TBC1D14: variants seen among roughly 807,000 people sequenced by gnomAD.
The protein encoded by TBC1D14 is TBC1 domain family, member 14.
In TBC1D14, 26 loss-of-function variants were observed where a neutral mutation model predicts 79.0. The ratio of observed to expected loss-of-function variants is 0.33; its 90% CI spans 0.24 to 0.46. TBC1D14 has a LOEUF of 0.46. Among genes scored for constraint, TBC1D14 ranks in the 20% least tolerant of loss-of-function variants. TBC1D14 has a pLI of 1.00. For missense variants in TBC1D14, 769 were observed against 887.6 expected (o/e 0.87, Z 1.70); for synonymous variants, 394 against 349.9 (o/e 1.13, Z -1.40).
rs779708480 is a variant in TBC1D14, at chr4:7,030,440, C to T, written c.*48C>T. The T allele has an allele frequency of 6.9e-6, 11 of 1,598,132 alleles. No individual in the cohort carries two copies. The highest frequency in any genetic ancestry group is 3.3e-5 in the South Asian group (3 of 90,718). Reference sequence around the variant, plus strand: ...CGGCACCAATCAGAGCCCCATGCCGCGGCCCCTCTGTTGTTTCAGACTGAC... The same window carrying T: ...CGGCACCAATCAGAGCCCCATGCCGTGGCCCCTCTGTTGTTTCAGACTGAC... On this transcript the variant is annotated 3_prime_UTR_variant, in exon 14 of 14. Transcript: ENST00000409757.
rs538972596 is a variant in TBC1D14, at chr4:6,958,376, T to TATAACACACACACACAC, written c.723-8927_723-8926insTAACACACACACACACA. ...GGGTGATACACGTGATCCCCACATA[T>TATAACACACACACACAC]ACACACACACACACACACACACACA... is the stretch of plus-strand genomic sequence containing the variant. On this transcript the variant is annotated intron_variant, in intron 2 of 13. Transcript: ENST00000409757. 6.0e-5 allele frequency among the ~76,000 whole-genome samples: 9 copies of TATAACACACACACACAC among 149,222 alleles called. No individual in the cohort carries two copies. In the South Asian group the frequency reaches 1.7e-3, roughly 28 times the overall value.
intron 1 of TBC1D14, among the ~76,000 whole-genome samples, chr4:6,911,025 C>T (rs1438353971): frequency 6.6e-6 from 1 of 152,122 alleles, no homozygotes; most frequent in African/African-American, 2.4e-5. Context: ...GCTTTTATAG[C>T]GGTGGGTTGC....
rs1258055771 is a variant in TBC1D14 at position 7,032,152 on chromosome 4, C to G, written c.*1760C>G. On this transcript the variant is annotated 3_prime_UTR_variant, in exon 14 of 14. Coordinates refer to ENST00000409757, the MANE Select transcript of TBC1D14 (RefSeq NM_020773.3). Reference sequence around the variant, plus strand: ...CCTCCTCTCGGAGGAGGCGTCCTGTCTTCACGGGGGGGTCCCGGTGGCCTC... The same window carrying G: ...CCTCCTCTCGGAGGAGGCGTCCTGTGTTCACGGGGGGGTCCCGGTGGCCTC... The G allele has an allele frequency of 6.6e-6, 1 of 152,624 alleles. No individual in the cohort carries two copies. Among genetic ancestry groups the G allele is most frequent in the South Asian group, 2.1e-4 (1 of 4,820 alleles). The allele number at this position is 152,624 out of a possible 1,614,324, so 9.5% of individuals were successfully genotyped here.
rs113737583 is a variant in TBC1D14 at position 7,029,346 on chromosome 4, C to T, written c.2017-981C>T. On this transcript the variant is annotated intron_variant, in intron 13 of 13. Transcript: ENST00000409757. ...TGTTACCAAGATTCTCTTGGTTTCA[C>T]CCTTGGACTTTGAGCACGTCACTTC... 8.7e-3 allele frequency among the ~76,000 whole-genome samples: 1,331 copies of T among 152,362 alleles called. 18 individuals are homozygous for T. The highest frequency in any genetic ancestry group is 0.029 in the African/African-American group (1,225 of 41,584).
At chr4:6,955,742 A>G (rs1040837139) in intron 2 of TBC1D14, among the ~76,000 whole-genome samples, 1 of 152,178 alleles carries the variant, frequency 6.6e-6, no homozygotes, top group Non-Finnish European at 1.5e-5. Context: ...AAGACTTGAG[A>G]GGCTTTGAGA....
At chr4:6,960,393 A>G (rs1229764274) in intron 2 of TBC1D14, among the ~76,000 whole-genome samples, 1 of 151,734 alleles carries the variant, frequency 6.6e-6, no homozygotes, top group African/African-American at 2.4e-5. Flanking sequence ...TGCCTGGCCT[A>G]CCCCGTGCCT....
At chr4:6,979,493 C>G (rs759132167) in intron 3 of TBC1D14, among the ~76,000 whole-genome samples, 2 of 152,096 alleles carry the variant, frequency 1.3e-5, no homozygotes, top group Non-Finnish European at 2.9e-5. Flanking sequence ...TGGTGATACA[C>G]ACCTGTAGTC....
rs1228077846 is a variant in TBC1D14 at position 7,030,315 on chromosome 4, T to C, written c.2017-12T>C. 2.5e-6 allele frequency: 4 copies of C among 1,613,028 alleles called. No individual in the cohort carries two copies. The highest frequency in any genetic ancestry group is 3.4e-6 in the Non-Finnish European group (4 of 1,179,206). ...GTCACTTAACCTCAGCTGTCTTCCC[T>C]GTGACTTCTAGGTACTGACTGCATT... is the stretch of plus-strand genomic sequence containing the variant. On this transcript the variant is annotated splice_polypyrimidine_tract_variant and intron_variant, in intron 13 of 13. Coordinates refer to ENST00000409757, the MANE Select transcript of TBC1D14 (RefSeq NM_020773.3).
intron 3 of TBC1D14, chr4:6,987,206 G>GCGGCC: frequency 8.1e-7 from 1 of 1,233,436 alleles, no homozygotes; most frequent in South Asian, 3.3e-5. Flanking sequence ...TGAGCGGCCT[G>GCGGCC]CCGCCCCGCC....
chr4:6,940,473 A>T (rs949176259), intron 2 of TBC1D14, among the ~76,000 whole-genome samples: 5 of 152,096 alleles, frequency 3.3e-5, no homozygotes, highest in African/African-American at 4.8e-5. Context: ...GCCAGGTGGC[A>T]GGTGGGGGTG....
At chr4:6,947,441 T>C (rs1713584877) in intron 2 of TBC1D14, among the ~76,000 whole-genome samples, 1 of 150,406 alleles carries the variant, frequency 6.6e-6, no homozygotes, top group Admixed American at 6.6e-5. Context: ...GAGCTTGCAG[T>C]GAGCCGAGAT....
chr4:6,994,112 A>AGT lies in TBC1D14; in HGVS notation c.844-72_844-71insGT, dbSNP rs1718774178. 6 of 1,315,134 alleles carry AGT rather than the reference A, an allele frequency of 4.6e-6. No homozygotes were observed. In the Admixed American group the frequency reaches 1.1e-4, roughly 23 times the overall value. 81.5% of individuals were successfully genotyped at this position (1,315,134 alleles called of 1,614,324 possible). On this transcript the variant is annotated intron_variant, in intron 3 of 13. Transcript: ENST00000409757. ...CTTAAAAGAGTTTCATGACAAAACA[A>AGT]CTTTCTTACTTTCCGAAGGACTTCA...
chr4:6,923,603 G>A lies in TBC1D14; in HGVS notation c.214G>A (p.Glu72Lys), dbSNP rs1168009283. 3 of 1,613,878 alleles carry A rather than the reference G, an allele frequency of 1.9e-6. No individual in the cohort carries two copies. The highest frequency in any genetic ancestry group is 2.5e-6 in the Non-Finnish European group (3 of 1,179,994). ...QSVDSGIPTL[E>K]IGNPEPVPCS... Reference sequence around the variant, plus strand: ...CGTGGACTCGGGGATTCCTACCCTGGAGATCGGGAACCCGGAGCCTGTACC... The same window carrying A: ...CGTGGACTCGGGGATTCCTACCCTGAAGATCGGGAACCCGGAGCCTGTACC... Residue 72 changes from glutamate to lysine, a missense_variant, in exon 2 of 14, where the codon GAG becomes AAG. Glu to Lys is a moderately conservative substitution (Grantham distance 56). This residue lies in a region of TBC1D14 where 402 missense variants were observed against 393.2 expected (regional missense o/e 1.02). Coordinates refer to ENST00000409757, the MANE Select transcript of TBC1D14 (RefSeq NM_020773.3).
At chr4:7,014,647 G>T (rs1721107106) in intron 12 of TBC1D14, 90 bp downstream of exon 12, 51 of 885,612 alleles carry the variant, frequency 5.8e-5, no homozygotes, top group South Asian at 4.4e-4. Context: ...TCATGGCCCG[G>T]CTGAGTCCTC....
intron 2 of TBC1D14, among the ~76,000 whole-genome samples, chr4:6,939,562 C>G (rs535191508): frequency 4.5e-4 from 68 of 152,270 alleles, no homozygotes; most frequent in African/African-American, 1.6e-3. Flanking sequence ...GGACCCGGTC[C>G]TGGGGATGTA....
intron 2 of TBC1D14, among the ~76,000 whole-genome samples, chr4:6,952,225 A>G (rs1213000923): frequency 1.3e-5 from 2 of 152,318 alleles, no homozygotes; most frequent in East Asian, 3.9e-4. Flanking sequence ...GGGCTCGTTG[A>G]ACCAGAGATT....
rs543358259 is a variant in TBC1D14, at chr4:6,923,762, C to G, written c.373C>G (p.Arg125Gly). ...PSSTEREQSV[R>G]KSSTFPRTGY... ...CAGCACCGAGCGGGAACAGAGCGTGCGCAAATCCTCCACGTTTCCCAGGAC... is the reference window on the plus strand; with the variant it reads ...CAGCACCGAGCGGGAACAGAGCGTGGGCAAATCCTCCACGTTTCCCAGGAC... Residue 125 changes from arginine (R) to glycine (G), a missense_variant, in exon 2 of 14, where the codon CGC becomes GGC. By Grantham distance (125) the Arg-to-Gly change is moderately radical. Coordinates refer to ENST00000409757, the MANE Select transcript of TBC1D14 (RefSeq NM_020773.3). 1.9e-6 allele frequency: 3 copies of G among 1,614,058 alleles called. No individual in the cohort carries two copies. In the East Asian group the frequency reaches 6.7e-5, roughly 36 times the overall value.
chr4:6,911,071 G>A (rs989062920), intron 1 of TBC1D14, among the ~76,000 whole-genome samples: 7 of 152,170 alleles, frequency 4.6e-5, no homozygotes, highest in Non-Finnish European at 1.0e-4. Context: ...TCTGGACCGG[G>A]CTAGTCCTTA....
chr4:7,008,950 C>T (rs1720485204), intron 9 of TBC1D14, among the ~76,000 whole-genome samples: 1 of 152,194 alleles, frequency 6.6e-6, no homozygotes, highest in South Asian at 2.1e-4. Flanking sequence ...CCACCCTAGG[C>T]CTGGATGCTG....
Sources: gnomAD v4.1 joint callset for allele counts (sites outside exome capture counted in the v4.1 genomes callset) on GRCh38, gnomAD v4.1.1 for gene constraint, gnomAD v4.1.1 regional missense constraint, MANE v1.5 for transcripts, NCBI Gene and HGNC (gene_info 2026-07-23, HGNC 2026-07-21) for gene names.